SV2C: variants seen among roughly 807,000 people sequenced by gnomAD.
The protein encoded by SV2C is synaptic vesicle glycoprotein 2C.
SV2C carries 49 observed loss-of-function variants against 79.7 expected under a neutral mutation model. The observed-to-expected ratio is 0.61, with a 90% confidence interval of 0.49 to 0.78. The LOEUF (loss-of-function observed/expected upper bound fraction) is 0.78. SV2C is among the 30% of genes least tolerant of loss of function. The pLI is 0.00. For missense variants in SV2C, 833 were observed against 912.9 expected (o/e 0.91, Z 1.13); for synonymous variants, 334 against 333.2 (o/e 1.00, Z -0.03).
chr5:76,340,301 A>C (rs1749417405), intron 12 of SV2C, among the ~76,000 whole-genome samples: 1 of 152,194 alleles, frequency 6.6e-6, no homozygotes, highest in South Asian at 2.1e-4. Flanking sequence ...CCAGCAGCCC[A>C]AGCTGCTGCT....
At chr5:75,980,460 C>T in the SV2C span, among the ~76,000 whole-genome samples, 1 of 152,090 alleles carries the variant, frequency 6.6e-6, no homozygotes, top group Non-Finnish European at 1.5e-5. Context: ...AGGCAAAAAT[C>T]CTCCACAAAA....
intron 2 of SV2C, among the ~76,000 whole-genome samples, chr5:76,138,385 G>T (rs577195031): frequency 2.6e-5 from 4 of 152,230 alleles, no homozygotes; most frequent in Admixed American, 2.6e-4. Context: ...ACACCACTCT[G>T]GTATGTCAAG....
chr5:76,114,844 A>G (rs1580276749), intron 1 of SV2C, among the ~76,000 whole-genome samples: 1 of 152,364 alleles, frequency 6.6e-6, no homozygotes, highest in East Asian at 1.9e-4. Flanking sequence ...AATTGCCAGT[A>G]TTATCACTGC....
chr5:75,970,854 T>G, the SV2C span, among the ~76,000 whole-genome samples: 7 of 152,068 alleles, frequency 4.6e-5, no homozygotes, highest in Admixed American at 2.6e-4. Context: ...TACCAAAGCC[T>G]GGCAGAGACA....
rs188719053 is a variant in SV2C, at chr5:76,193,333, G to A, written c.581-1586G>A. 1.2e-3 allele frequency among the ~76,000 whole-genome samples: 186 copies of A among 152,310 alleles called. 1 individual carries two copies. The highest frequency in any genetic ancestry group is 2.0e-3 in the Admixed American group (31 of 15,298). On this transcript the variant is annotated intron_variant, in intron 2 of 12. Transcript: ENST00000502798. ...GGTGGTAGGAGGAATGCAGAAAGCA[G>A]TGGATGGTGATAGTCTAGGGGGCAG...
At chr5:76,076,704 T>A in the SV2C span, among the ~76,000 whole-genome samples, 1 of 152,326 alleles carries the variant, frequency 6.6e-6, no homozygotes, top group African/African-American at 2.4e-5. Flanking sequence ...TGACTTGTAT[T>A]CAGTTGAAAT....
At chr5:75,921,693 T>G in the SV2C span, 1 of 557,068 alleles carries the variant, frequency 1.8e-6, no homozygotes. Flanking sequence ...GCAATGGATA[T>G]ACCCAGCAAA....
the SV2C span, among the ~76,000 whole-genome samples, chr5:75,881,670 T>C: frequency 1.3e-5 from 2 of 152,148 alleles, no homozygotes; most frequent in Non-Finnish European, 1.5e-5. Context: ...TTTGCTGAAG[T>C]TGCTTATCAG....
the SV2C span, among the ~76,000 whole-genome samples, chr5:75,924,715 T>C: frequency 6.6e-6 from 1 of 152,134 alleles, no homozygotes; most frequent in Non-Finnish European, 1.5e-5. Flanking sequence ...CAATTGACTG[T>C]CTGGAGGAAA....
intron 2 of SV2C, among the ~76,000 whole-genome samples, chr5:76,172,074 C>T (rs1743300493): frequency 1.6e-5 from 1 of 64,242 alleles, no homozygotes; most frequent in South Asian, 6.3e-4. Flanking sequence ...AAGTGAGGAG[C>T]CCCTCTGCCC....
the SV2C span, among the ~76,000 whole-genome samples, chr5:75,955,841 A>T: frequency 6.6e-6 from 1 of 151,966 alleles, no homozygotes; most frequent in Non-Finnish European, 1.5e-5. Context: ...CAAAACCACA[A>T]TGAGATACCA....
At chr5:76,026,143 A>G in the SV2C span, among the ~76,000 whole-genome samples, 1 of 151,376 alleles carries the variant, frequency 6.6e-6, no homozygotes, top group Non-Finnish European at 1.5e-5. Context: ...ATTGAGAACT[A>G]CTGATCTAAA....
intron 1 of SV2C, among the ~76,000 whole-genome samples, chr5:76,119,854 T>A (rs1265553138): frequency 6.6e-6 from 1 of 152,214 alleles, no homozygotes; most frequent in Non-Finnish European, 1.5e-5. Flanking sequence ...TTTTCACTCT[T>A]AAAAATTATT....
In SV2C at chr5:76,122,141, G is replaced by A. The variant is rs901386353; in HGVS notation, c.-101-9509G>A. Among the ~76,000 whole-genome samples, 14 of 150,908 alleles carry A rather than the reference G, an allele frequency of 9.3e-5. 1 individual carries two copies. Among genetic ancestry groups the A allele is most frequent in the African/African-American group, 3.5e-4 (14 of 40,212 alleles). ...TATTCTCTTTGAAGCAACTGTGAAT[G>A]GGAGATCACTCATAATTTGGCTCTC... On this transcript the variant is annotated intron_variant, in intron 1 of 12. Transcript: ENST00000502798.
intron 4 of SV2C, chr5:76,241,932 C>T (rs1167667976): frequency 1.5e-5 from 11 of 753,558 alleles, no homozygotes; most frequent in South Asian, 1.1e-4. Flanking sequence ...TAAAATAAAA[C>T]AAAATTCTGC....
At chr5:76,218,124 A>G (rs562511973) in intron 4 of SV2C, among the ~76,000 whole-genome samples, 182 of 152,244 alleles carry the variant, frequency 1.2e-3, no homozygotes, top group African/African-American at 4.2e-3. Context: ...CTTCCAAGCC[A>G]CCTCTGCCCT....
At chr5:76,284,092 T>A (rs1747274765) in intron 4 of SV2C, among the ~76,000 whole-genome samples, 1 of 152,212 alleles carries the variant, frequency 6.6e-6, no homozygotes, top group Admixed American at 6.5e-5. Flanking sequence ...CTGTTTTCAA[T>A]TAGATTTGAT....
the SV2C span, among the ~76,000 whole-genome samples, chr5:75,923,443 C>T: frequency 6.6e-6 from 1 of 152,072 alleles, no homozygotes; most frequent in South Asian, 2.1e-4. Flanking sequence ...AACTAAGAAG[C>T]TCTGCACAGC....
At chr5:75,999,263 T>C in the SV2C span, among the ~76,000 whole-genome samples, 1 of 151,972 alleles carries the variant, frequency 6.6e-6, no homozygotes, top group South Asian at 2.1e-4. Context: ...TTTGTATATA[T>C]GTATGTATGT....
Sources: allele counts gnomAD v4.1 joint callset (sites outside exome capture counted in the v4.1 genomes callset), GRCh38; gene constraint gnomAD v4.1.1; transcripts MANE v1.5; gene names NCBI Gene and HGNC (gene_info 2026-07-23, HGNC 2026-07-21).